IFNAR1: variants seen among roughly 807,000 people sequenced by gnomAD.
The protein encoded by IFNAR1 is interferon alpha and beta receptor subunit 1.
A neutral mutation model predicts 62.1 loss-of-function variants in IFNAR1; 47 were observed. That is an observed-to-expected ratio of 0.76 (90% CI 0.60 to 0.97). The LOEUF (loss-of-function observed/expected upper bound fraction) is 0.97. Ranked by LOEUF, IFNAR1 falls within the 50% of genes least tolerant of loss-of-function variation. The pLI is 0.00. For synonymous variants in IFNAR1, 219 were observed against 226.9 expected (o/e 0.97, Z 0.31); for missense variants, 638 against 654.5 (o/e 0.97, Z 0.27).
At chr21:33,326,437 TCAAA>T (rs2083127731) in intron 1 of IFNAR1, among the ~76,000 whole-genome samples, 1 of 152,120 alleles carries the variant, frequency 6.6e-6, no homozygotes, top group South Asian at 2.1e-4. Flanking sequence ...ACTCCTGACC[TCAAA>T]CAATCCACTT....
chr21:33,327,989 A>G (rs1023339594), intron 1 of IFNAR1, among the ~76,000 whole-genome samples: 4 of 152,230 alleles, frequency 2.6e-5, no homozygotes, highest in South Asian at 2.1e-4. Flanking sequence ...AAATTTTATC[A>G]TGCAGATCAA....
chr21:33,335,666 T>A lies in IFNAR1; in HGVS notation c.200+19T>A. On this transcript the variant is annotated intron_variant, in intron 2 of 10. Transcript: ENST00000270139. The stretch of plus-strand genomic sequence containing the variant: ...ATCAAAAGTATGTGACTCTACTTAC[T>A]GATTTGTCAGAATGACCTGAATAAT... 6.6e-7 allele frequency: 1 copy of A among 1,507,560 alleles called. No homozygotes were observed. The highest frequency in any genetic ancestry group is 1.4e-5 in the South Asian group (1 of 71,692). 93.4% of individuals were successfully genotyped at this position (1,507,560 alleles called of 1,614,324 possible). A position where few individuals can be genotyped will look rare whatever the true frequency, so the allele number is the denominator to read the frequency against.
At chr21:33,348,362 A>G (rs2083368373) in intron 6 of IFNAR1, among the ~76,000 whole-genome samples, 1 of 152,230 alleles carries the variant, frequency 6.6e-6, no homozygotes, top group Non-Finnish European at 1.5e-5. Flanking sequence ...TTGGGAACAT[A>G]TGCACAGTAG....
chr21:33,332,575 T>G (rs984846395), intron 1 of IFNAR1, among the ~76,000 whole-genome samples: 9 of 152,050 alleles, frequency 5.9e-5, no homozygotes, highest in African/African-American at 2.2e-4. Flanking sequence ...AAACTAATGA[T>G]CTTAAGGAAA....
chr21:33,347,216 G>A (rs138605635), intron 6 of IFNAR1, among the ~76,000 whole-genome samples: 1,638 of 149,972 alleles, frequency 0.011, 29 homozygotes, highest in African/African-American at 0.038. Context: ...TGCAACCTCC[G>A]CGTCCTGGGT....
intron 2 of IFNAR1, among the ~76,000 whole-genome samples, chr21:33,338,884 A>C (rs889665551): frequency 6.6e-6 from 1 of 151,640 alleles, no homozygotes; most frequent in African/African-American, 2.4e-5. Flanking sequence ...CTGGGATTAC[A>C]GGCATGCACC....
chr21:33,355,406 A>G lies in IFNAR1; in HGVS notation c.1531A>G (p.Ile511Val), dbSNP rs1198976593. Reference sequence around the variant, plus strand: ...TTTCATAATTGAAAATATAAGCACAATTGCTACAGTAGAAGAAACTAATCA... The same window carrying G: ...TTTCATAATTGAAAATATAAGCACAGTTGCTACAGTAGAAGAAACTAATCA... ...KCFIIENIST[I>V]ATVEETNQTD... Residue 511 changes from isoleucine (I) to valine (V), a missense_variant, in exon 11 of 11, where the codon ATT becomes GTT. Ile to Val is a conservative substitution (Grantham distance 29, BLOSUM62 3). Coordinates refer to ENST00000270139, the MANE Select transcript of IFNAR1 (RefSeq NM_000629.3). 1 of 1,602,160 alleles carries G rather than the reference A, an allele frequency of 6.2e-7. No individual in the cohort carries two copies. Among genetic ancestry groups the G allele is most frequent in the South Asian group, 1.1e-5 (1 of 89,298 alleles).
intron 5 of IFNAR1, among the ~76,000 whole-genome samples, chr21:33,344,664 C>G (rs565809445): frequency 1.2e-4 from 19 of 152,148 alleles, no homozygotes; most frequent in African/African-American, 4.1e-4. Context: ...TTACAGCTTG[C>G]TTACTTAACC....
rs905768151 is a variant in IFNAR1 at position 33,358,307 on chromosome 21, T to C, written c.*2758T>C. ...AGCTGTAAGTGACAAGTATTTTTTC[T>C]GAACAGAAGTTTACTTAGAAATACC... On this transcript the variant is annotated 3_prime_UTR_variant, in exon 11 of 11. Coordinates refer to ENST00000270139, the MANE Select transcript of IFNAR1 (RefSeq NM_000629.3). 1.3e-5 allele frequency: 2 copies of C among 152,216 alleles called. No homozygotes were observed. Among genetic ancestry groups the C allele is most frequent in the Non-Finnish European group, 2.9e-5 (2 of 68,032 alleles). The allele number at this position is 152,216 out of a possible 1,614,324, so 9.4% of individuals were successfully genotyped here. A position where few individuals can be genotyped will look rare whatever the true frequency, so the allele number is the denominator to read the frequency against.
At chr21:33,329,125 C>A (rs2083154177) in intron 1 of IFNAR1, among the ~76,000 whole-genome samples, 1 of 152,094 alleles carries the variant, frequency 6.6e-6, no homozygotes, top group South Asian at 2.1e-4. Context: ...CTTCTTTTAG[C>A]AGTAAAGGAT....
chr21:33,325,983 A>G (rs2083122833), intron 1 of IFNAR1, among the ~76,000 whole-genome samples: 1 of 152,130 alleles, frequency 6.6e-6, no homozygotes, highest in African/African-American at 2.4e-5. Context: ...GTCCATTCAC[A>G]TTGTTGGGGG....
intron 1 of IFNAR1, among the ~76,000 whole-genome samples, chr21:33,329,441 G>C (rs2083156410): frequency 6.6e-6 from 1 of 151,978 alleles, no homozygotes; most frequent in Non-Finnish European, 1.5e-5. Context: ...TTGAGGATGG[G>C]GAGACCTGAT....
intron 1 of IFNAR1, among the ~76,000 whole-genome samples, chr21:33,333,614 A>ATTTTTTTT (rs59240203): frequency 3.1e-4 from 33 of 107,000 alleles, no homozygotes; most frequent in African/African-American, 7.0e-4. Context: ...CTGGCGGAAT[A>ATTTTTTTT]TTTTTTTTTT....
At chr21:33,345,080 G>A (rs2083332611) in intron 5 of IFNAR1, among the ~76,000 whole-genome samples, 166 bp from the exon 6 acceptor site, 3 of 152,248 alleles carry the variant, frequency 2.0e-5, no homozygotes, top group South Asian at 4.1e-4. Flanking sequence ...GAGCCACTGC[G>A]CCCGGCCTGT....
chr21:33,344,465 A>G (rs2083325715), intron 5 of IFNAR1, among the ~76,000 whole-genome samples: 1 of 147,654 alleles, frequency 6.8e-6, no homozygotes, highest in Non-Finnish European at 1.5e-5. Context: ...ACATTACGGA[A>G]GGGTTTAAAG....
At chr21:33,325,575 G>C (rs2083119189) in intron 1 of IFNAR1, among the ~76,000 whole-genome samples, 1 of 152,140 alleles carries the variant, frequency 6.6e-6, no homozygotes, top group Admixed American at 6.5e-5. Flanking sequence ...ATTCATACAG[G>C]CCAATAAAAA....
At position 33,345,303 on chromosome 21, in the gene IFNAR1, A is replaced by G. The variant is rs199748774; in HGVS notation, c.731A>G (p.Tyr244Cys). The change falls in exon 6 of 11, where the codon TAT becomes TGT. Residue 244 changes from tyrosine to cysteine, a missense_variant. Tyr to Cys is a radical substitution (Grantham distance 194). Coordinates refer to ENST00000270139, the MANE Select transcript of IFNAR1 (RefSeq NM_000629.3). ...NIEVSVQNQN[Y>C]VLKWDYTYAN... ...GAAGTCAGTGTCCAAAATCAGAACT[A>G]TGTTCTTAAATGGGATTATACATAT... The G allele has an allele frequency of 9.1e-5, 147 of 1,608,166 alleles. No homozygotes were observed. Among genetic ancestry groups the G allele is most frequent in the Admixed American group, 3.8e-4 (23 of 59,796 alleles).
At chr21:33,346,096 A>C (rs886600915) in intron 6 of IFNAR1, among the ~76,000 whole-genome samples, 3 of 152,234 alleles carry the variant, frequency 2.0e-5, no homozygotes, top group African/African-American at 7.2e-5. Context: ...CCCCATCTCT[A>C]AGCATTAAAA....
At chr21:33,331,387 C>T (rs1009064587) in intron 1 of IFNAR1, among the ~76,000 whole-genome samples, 2 of 152,164 alleles carry the variant, frequency 1.3e-5, no homozygotes, top group Non-Finnish European at 2.9e-5. Flanking sequence ...AATCAGTGCC[C>T]TGGCCAAACC....
Sources: allele counts gnomAD v4.1 joint callset (sites outside exome capture counted in the v4.1 genomes callset), GRCh38; gene constraint gnomAD v4.1.1; transcripts MANE v1.5; gene names NCBI Gene and HGNC (gene_info 2026-07-23, HGNC 2026-07-21).